The following CLIP2 variants were observed in gnomAD, a reference collection of about 807,000 sequenced individuals.
CLIP2 encodes CAP-Gly domain-containing linker protein 2.
A neutral mutation model predicts 111.7 loss-of-function variants in CLIP2; 41 were observed. The observed-to-expected ratio is 0.37, with a 90% confidence interval of 0.29 to 0.48. CLIP2 has a LOEUF of 0.48. Among genes scored for constraint, CLIP2 ranks in the 20% least tolerant of loss-of-function variants. The probability of loss-of-function intolerance (pLI) is 0.99; values close to 1 mark genes in which losing one functional copy is unlikely to be tolerated. For synonymous variants in CLIP2, 660 were observed against 644.2 expected, an observed-to-expected ratio of 1.02 and a Z score of -0.37; for missense variants, 1,160 against 1,422.1, an observed-to-expected ratio of 0.82 and a Z score of 2.96.
Position 74,338,392 on chromosome 7 carries a change from ACC to A in CLIP2, c.122-54_122-53del. 1 of 1,565,532 alleles carries A rather than the reference ACC, an allele frequency of 6.4e-7. No homozygotes were observed. The highest frequency in any genetic ancestry group is 8.7e-7 in the Non-Finnish European group (1 of 1,155,126). ...CCCTAGACTCTGTGCTCCTGGGGCC[ACC>A]CAGGGGCCAGCCCTAACAGCCACCT... On this transcript the variant is annotated intron_variant, in intron 2 of 16. Coordinates refer to ENST00000223398, the MANE Select transcript of CLIP2 (RefSeq NM_003388.5). This position sits in a 1 kb window ranked among gnomAD's most constrained non-coding sequence, Gnocchi z 4.3.
intron 1 of CLIP2, among the ~76,000 whole-genome samples, chr7:74,315,432 ACAGGGT>A (rs1564032999): frequency 6.6e-6 from 1 of 152,046 alleles, no homozygotes; most frequent in African/African-American, 2.4e-5. Flanking sequence ...TTTGTAGAGA[ACAGGGT>A]CTCACTATGT....
chr7:74,319,463 A>T (rs1236757515), intron 2 of CLIP2, among the ~76,000 whole-genome samples: 2 of 152,116 alleles, frequency 1.3e-5, no homozygotes, highest in Non-Finnish European at 2.9e-5. Context: ...AGCCGAGCTC[A>T]TGCCACTGTA....
At chr7:74,386,879 C>T (rs1791120224) in intron 12 of CLIP2, among the ~76,000 whole-genome samples, 1 of 151,894 alleles carries the variant, frequency 6.6e-6, no homozygotes, top group Admixed American at 6.6e-5. Flanking sequence ...AAAAATTAGC[C>T]GGGCATGGTG....
chr7:74,331,357 T>G (rs1789273484), intron 2 of CLIP2, among the ~76,000 whole-genome samples: 1 of 150,734 alleles, frequency 6.6e-6, no homozygotes, highest in African/African-American at 2.4e-5. Flanking sequence ...GCAACCTGAG[T>G]GCATGGGTGG....
chr7:74,365,880 A>T (rs782055338), intron 8 of CLIP2, among the ~76,000 whole-genome samples: 8 of 152,050 alleles, frequency 5.3e-5, no homozygotes, highest in African/African-American at 7.2e-5. Flanking sequence ...CAGCCTCCCA[A>T]GTAGCTAGGA....
chr7:74,319,777 C>T (rs1235713054), intron 2 of CLIP2, among the ~76,000 whole-genome samples: 2 of 151,194 alleles, frequency 1.3e-5, no homozygotes, highest in African/African-American at 4.9e-5. Flanking sequence ...GCCATGATCA[C>T]ACCGCTGCAC....
Position 74,376,430 on chromosome 7 carries a change from A to G in CLIP2, c.2029A>G (p.Met677Val), listed in dbSNP as rs1554312869. Residue 677 changes from methionine to valine, a missense_variant, in exon 10 of 17, where the codon ATG (methionine) becomes GTG (valine). Met to Val is a conservative substitution (Grantham distance 21). Transcript: ENST00000223398. The surrounding 1 kb of genome is among the most constrained non-coding windows in gnomAD (Gnocchi z 7.1). Reference sequence around the variant, plus strand: ...GGCCAAGCATGACCTGGAGACCGCCATGCACGTGAAGGAGAAGGAGGCCCT... The same window carrying G: ...GGCCAAGCATGACCTGGAGACCGCCGTGCACGTGAAGGAGAAGGAGGCCCT... ...LQAKHDLETA[M>V]HVKEKEALRE... The G allele has an allele frequency of 6.2e-7, 1 of 1,613,976 alleles. No individual in the cohort carries two copies. The highest frequency in any genetic ancestry group is 2.2e-5 in the East Asian group (1 of 44,858).
intron 1 of CLIP2, among the ~76,000 whole-genome samples, chr7:74,298,111 G>A (rs1554726308): frequency 6.6e-6 from 1 of 151,964 alleles, no homozygotes; most frequent in African/African-American, 2.4e-5. Flanking sequence ...TTGGGAGGCC[G>A]AGGCAGGAGG....
chr7:74,382,785 A>T (rs1309529078), intron 11 of CLIP2, among the ~76,000 whole-genome samples: 1 of 151,938 alleles, frequency 6.6e-6, no homozygotes, highest in African/African-American at 2.4e-5. Context: ...ATATTTAAAA[A>T]ATCAGGCCAG....
chr7:74,364,193 A>C (rs1005070395), intron 7 of CLIP2, 62 bp from the exon 8 acceptor site: 11 of 1,482,688 alleles, frequency 7.4e-6, no homozygotes, highest in Non-Finnish European at 8.4e-6. Flanking sequence ...GCTGTTGCTC[A>C]TTCGGTGAAT....
rs1389848158 is a variant in CLIP2, at chr7:74,356,445, C to T, written c.839C>T (p.Ala280Val). Residue 280 changes from alanine (A) to valine (V), a missense_variant, in exon 5 of 17, where the codon GCG (alanine) becomes GTG (valine). By Grantham distance (64) the Ala-to-Val change is moderately conservative. Coordinates refer to ENST00000223398, the MANE Select transcript of CLIP2 (RefSeq NM_003388.5). ...FQCPPKFGLF[A>V]PIHKVIRIGF... ...TGCCCACCCAAGTTTGGTCTCTTCG[C>T]GCCCATCCACAAAGTGATCCGTATC... is the stretch of plus-strand genomic sequence containing the variant. 8 of 1,614,072 alleles carry T rather than the reference C, an allele frequency of 5.0e-6. No homozygotes were observed. The highest frequency in any genetic ancestry group is 1.3e-5 in the African/African-American group (1 of 74,932).
chr7:74,389,075 TCCTC>T, intron 12 of CLIP2, 24 bp from the exon 13 acceptor site: 1 of 1,583,668 alleles, frequency 6.3e-7, no homozygotes, highest in Non-Finnish European at 8.6e-7. Context: ...CCAATCCTCT[TCCTC>T]CCTTCCCTGC....
Position 74,360,174 on chromosome 7 carries a change from G to C in CLIP2, c.1216-1G>C, listed in dbSNP as rs1554309429. On this transcript the variant is annotated splice_acceptor_variant, in intron 6 of 16. Coordinates refer to ENST00000223398, the MANE Select transcript of CLIP2 (RefSeq NM_003388.5). LOFTEE classifies it high-confidence loss of function. ...TGTCCTGGCCTTCCTTGGGGGCCCA[G>C]TATGTTGCAGAAGCCGAGGAGAAGC... 6.3e-7 allele frequency: 1 copy of C among 1,598,234 alleles called. No individual in the cohort carries two copies. The highest frequency in any genetic ancestry group is 8.5e-7 in the Non-Finnish European group (1 of 1,172,694).
chr7:74,349,299 C>CAA (rs1789902217), intron 3 of CLIP2, among the ~76,000 whole-genome samples: 1 of 150,908 alleles, frequency 6.6e-6, no homozygotes, highest in Non-Finnish European at 1.5e-5. Context: ...GGCGTGGTGG[C>CAA]ACGTGCCTGT....
intron 3 of CLIP2, among the ~76,000 whole-genome samples, chr7:74,340,007 T>C (rs181463465): frequency 6.0e-4 from 92 of 152,216 alleles, no homozygotes; most frequent in Middle Eastern, 3.4e-3. Context: ...GGTGGGAGGA[T>C]GGCTTGATCC....
intron 13 of CLIP2, among the ~76,000 whole-genome samples, chr7:74,390,214 AAAG>A (rs1562726967): frequency 3.1e-5 from 3 of 96,004 alleles, no homozygotes; most frequent in Non-Finnish European, 4.9e-5. Context: ...AGAAAGAAAG[AAAG>A]AAAGAAAGGA....
At chr7:74,374,498 G>A (rs1375790940) in intron 9 of CLIP2, among the ~76,000 whole-genome samples, 2 of 152,108 alleles carry the variant, frequency 1.3e-5, no homozygotes, top group Non-Finnish European at 2.9e-5. Context: ...ATCATCTGAG[G>A]TCATCTGAGG....
chr7:74,388,966 G>A (rs564086296), intron 12 of CLIP2, 137 bp from the exon 13 acceptor site: 336 of 1,075,230 alleles, frequency 3.1e-4, no homozygotes, highest in African/African-American at 3.1e-3. Flanking sequence ...TAAAAAAACC[G>A]TCAAAACTAT....
At chr7:74,293,343 G>A (rs1788080230) in intron 1 of CLIP2, among the ~76,000 whole-genome samples, 1 of 152,000 alleles carries the variant, frequency 6.6e-6, no homozygotes, top group South Asian at 2.1e-4. Flanking sequence ...TCATTTTTTC[G>A]GCCTCTCTCA....
Sources: allele counts gnomAD v4.1 joint callset (sites outside exome capture counted in the v4.1 genomes callset), GRCh38; gene constraint gnomAD v4.1.1; non-coding constraint Gnocchi (gnomAD v3.1); transcripts MANE v1.5; gene names NCBI Gene and HGNC (gene_info 2026-07-23, HGNC 2026-07-21).